The following KPNA3 variants were observed in gnomAD, a reference collection of about 807,000 sequenced individuals.
KPNA3 encodes karyopherin subunit alpha 3, also known as importin subunit alpha-4.
In KPNA3, 13 loss-of-function variants were observed where a neutral mutation model predicts 73.8. The observed-to-expected ratio is 0.18, with a 90% CI of 0.11 to 0.28. The LOEUF (loss-of-function observed/expected upper bound fraction) is 0.28. Ranked by LOEUF, KPNA3 falls within the 10% of genes least tolerant of loss-of-function variation. The pLI is 1.00. For synonymous variants in KPNA3, 186 were observed against 206.9 expected (o/e 0.90, Z 0.87); for missense variants, 360 against 618.1 (o/e 0.58, Z 4.43).
At chr13:49,722,448 C>T in intron 8 of KPNA3, 29 bp downstream of exon 8, 3 of 1,456,158 alleles carry the variant, frequency 2.1e-6, no homozygotes, top group Middle Eastern at 3.5e-4. Flanking sequence ...AATTTAGATT[C>T]TTAAGAGGAT....
Position 49,700,770 on chromosome 13 carries a change from A to G in KPNA3, c.*1030T>C, listed in dbSNP as rs1166022794. 1 of 152,530 alleles carries G rather than the reference A, an allele frequency of 6.6e-6. No homozygotes were observed. The highest frequency in any genetic ancestry group is 1.9e-4 in the East Asian group (1 of 5,208). The allele number at this position is 152,530 out of a possible 1,614,324, so 9.4% of individuals were successfully genotyped here. ...AAATTACAGTAAACATGAAAGCTCC[A>G]CAGTTTAAACCCAATATAAATCAAC... On this transcript the variant is annotated 3_prime_UTR_variant, in exon 17 of 17. Transcript: ENST00000261667.
intron 1 of KPNA3, among the ~76,000 whole-genome samples, chr13:49,791,541 C>T (rs1955032893): frequency 6.6e-6 from 1 of 152,186 alleles, no homozygotes; most frequent in Admixed American, 6.5e-5. Context: ...GTTTTGCAAC[C>T]ACTTGGAAAT....
At chr13:49,722,733 A>C (rs753957778) in intron 7 of KPNA3, among the ~76,000 whole-genome samples, 170 bp from the exon 8 acceptor site, 38 of 151,634 alleles carry the variant, frequency 2.5e-4, no homozygotes, top group Admixed American at 5.9e-4. Context: ...TCCCCTAGTA[A>C]TAGTCAAGTA....
In KPNA3 at chr13:49,747,596, G is replaced by A. The variant is rs139543164; in HGVS notation, c.70-603C>T. On this transcript the variant is annotated intron_variant, in intron 1 of 16. Transcript: ENST00000261667. ...GCTACTCCTGGAGGCTGACGCTCAA[G>A]AATCGCTTGAACCTGGGAGACGGAG... Among the ~76,000 whole-genome samples the A allele has an allele frequency of 6.6e-5, 10 of 152,282 alleles. No homozygotes were observed. In the East Asian group the frequency reaches 1.9e-3, roughly 29 times the overall value.
At chr13:49,786,078 T>C (rs558228401) in intron 1 of KPNA3, among the ~76,000 whole-genome samples, 7 of 152,344 alleles carry the variant, frequency 4.6e-5, no homozygotes, top group African/African-American at 1.4e-4. Context: ...CATTCAAGTA[T>C]GAGCGAGTTC....
chr13:49,768,748 C>G (rs758431407), intron 1 of KPNA3, among the ~76,000 whole-genome samples: 1 of 152,060 alleles, frequency 6.6e-6, no homozygotes. Context: ...AACTTGTGTG[C>G]CACACATACA....
chr13:49,741,493 A>G (rs573659204), intron 2 of KPNA3, among the ~76,000 whole-genome samples: 8 of 145,634 alleles, frequency 5.5e-5, no homozygotes, highest in South Asian at 4.3e-4. Context: ...TTGTTCTGTC[A>G]CCCAGGCTGG....
At chr13:49,719,645 C>T (rs1954336943) in intron 10 of KPNA3, 130 bp downstream of exon 10, 3 of 701,682 alleles carry the variant, frequency 4.3e-6, no homozygotes, top group African/African-American at 1.9e-5. Context: ...AAGCTTAATC[C>T]TATTTCTGAA....
intron 10 of KPNA3, among the ~76,000 whole-genome samples, chr13:49,718,652 T>C (rs781556667): frequency 3.3e-5 from 5 of 152,226 alleles, no homozygotes; most frequent in African/African-American, 9.6e-5. Context: ...TATTATCTTA[T>C]ATGTCTTTTG....
At chr13:49,742,167 T>A (rs940960211) in intron 2 of KPNA3, among the ~76,000 whole-genome samples, 1 of 152,242 alleles carries the variant, frequency 6.6e-6, no homozygotes, top group Non-Finnish European at 1.5e-5. Context: ...CTGTGGCATG[T>A]TCTTGGCACC....
chr13:49,719,965 A>T (rs918639567), intron 9 of KPNA3, 146 bp from the exon 10 acceptor site: 5 of 562,192 alleles, frequency 8.9e-6, no homozygotes, highest in African/African-American at 4.0e-5. Context: ...TAGGAAAATG[A>T]AAACCTGATA....
rs577380120 is a variant in KPNA3 at position 49,730,599 on chromosome 13, T to C, written c.383+1772A>G. 5.2e-4 allele frequency among the ~76,000 whole-genome samples: 76 copies of C among 147,530 alleles called. 1 individual carries two copies. Among genetic ancestry groups the C allele is most frequent in the Non-Finnish European group, 1.1e-3 (71 of 67,060 alleles). ...AAAGGTAGAAGTAGAATAGAACTTATTTATTTATTTATTTTATTTTATTTT... is the reference window on the plus strand; with the variant it reads ...AAAGGTAGAAGTAGAATAGAACTTACTTATTTATTTATTTTATTTTATTTT... On this transcript the variant is annotated intron_variant, in intron 6 of 16. Coordinates refer to ENST00000261667, the MANE Select transcript of KPNA3 (RefSeq NM_002267.4).
chr13:49,718,933 T>C (rs1219577250), intron 10 of KPNA3, among the ~76,000 whole-genome samples: 1 of 151,704 alleles, frequency 6.6e-6, no homozygotes, highest in Non-Finnish European at 1.5e-5. Flanking sequence ...GCCACACATA[T>C]ACACATATGT....
chr13:49,707,859 T>C (rs925111571), intron 12 of KPNA3, among the ~76,000 whole-genome samples: 1 of 152,140 alleles, frequency 6.6e-6, no homozygotes, highest in Non-Finnish European at 1.5e-5. Context: ...ACAGTCAAAT[T>C]ATACTCAAGC....
chr13:49,760,076 T>C lies in KPNA3; in HGVS notation c.70-13083A>G, dbSNP rs922713828. Among the ~76,000 whole-genome samples the C allele has an allele frequency of 3.3e-5, 5 of 152,266 alleles. No individual in the cohort carries two copies. In the South Asian group the frequency reaches 8.3e-4, roughly 25 times the overall value. ...TCTGATAAAGCCTCCAGCTTCAACT[T>C]TGAATTTACAGGAAATACAGAGGGC... On this transcript the variant is annotated intron_variant, in intron 1 of 16. Coordinates refer to ENST00000261667, the MANE Select transcript of KPNA3 (RefSeq NM_002267.4).
At chr13:49,706,027 C>T in intron 14 of KPNA3, 71 bp downstream of exon 14, 1 of 1,358,620 alleles carries the variant, frequency 7.4e-7, no homozygotes, top group Non-Finnish European at 1.0e-6. Context: ...CAGTCAGCAA[C>T]TACGAAACAT....
intron 15 of KPNA3, among the ~76,000 whole-genome samples, chr13:49,703,933 A>G (rs1446453707): frequency 6.6e-6 from 1 of 152,210 alleles, no homozygotes. Flanking sequence ...CCTATAGACA[A>G]AAGTAACTAT....
chr13:49,766,954 C>CTT (rs11348363), intron 1 of KPNA3, among the ~76,000 whole-genome samples: 1 of 132,472 alleles, frequency 7.5e-6, no homozygotes, highest in African/African-American at 2.8e-5. Context: ...AATGGGATTC[C>CTT]TTTTTTTTTT....
At chr13:49,732,894 A>C in intron 3 of KPNA3, 63 bp downstream of exon 3, 1 of 1,368,818 alleles carries the variant, frequency 7.3e-7, no homozygotes, top group Non-Finnish European at 1.0e-6. Context: ...TATATTAAAA[A>C]TGAAGTTCTC....
Sources: allele counts gnomAD v4.1 joint callset (sites outside exome capture counted in the v4.1 genomes callset), GRCh38; gene constraint gnomAD v4.1.1; transcripts MANE v1.5; gene names NCBI Gene and HGNC (gene_info 2026-07-23, HGNC 2026-07-21).